Variants in DSG3 observed in about 807,000 individuals in gnomAD.
DSG3 encodes the protein desmoglein 3.
A neutral mutation model predicts 85.9 loss-of-function variants in DSG3; 63 were observed. The observed-to-expected ratio is 0.73, with a 90% CI of 0.60 to 0.90. The LOEUF (loss-of-function observed/expected upper bound fraction) is 0.90, where lower values mean the gene tolerates loss of function less well. Among genes scored for constraint, DSG3 ranks in the 40% least tolerant of loss-of-function variants. The pLI is 0.00. For synonymous variants in DSG3, 447 were observed against 441.9 expected (o/e 1.01, Z -0.14); for missense variants, 1,220 against 1,219.9 (o/e 1.00, Z 0.00).
At chr18:31,454,674 T>TTG (rs34575438) in intron 1 of DSG3, among the ~76,000 whole-genome samples, 1 of 120,258 alleles carries the variant, frequency 8.3e-6, no homozygotes, top group African/African-American at 4.5e-5. Flanking sequence ...CATTAGTTTG[T>TTG]TTTTTTTTTT....
At chr18:31,473,111 T>C (rs2072865885) in intron 14 of DSG3, among the ~76,000 whole-genome samples, 1 of 152,158 alleles carries the variant, frequency 6.6e-6, no homozygotes, top group South Asian at 2.1e-4. Flanking sequence ...TTCACACATA[T>C]AGAAAAATGT....
intron 1 of DSG3, among the ~76,000 whole-genome samples, chr18:31,452,389 C>A (rs185638347): frequency 6.6e-6 from 1 of 151,658 alleles, no homozygotes; most frequent in Non-Finnish European, 1.5e-5. Flanking sequence ...CTTGGTGGTG[C>A]GCACCTGTAG....
rs368643122 is a variant in DSG3, at chr18:31,472,351, T to C, written c.1965T>C (p.Phe655=). 1 of 1,614,214 alleles carries C rather than the reference T, an allele frequency of 6.2e-7. No homozygotes were observed. Among genetic ancestry groups the C allele is most frequent in the Non-Finnish European group, 8.5e-7 (1 of 1,180,026 alleles). ...AGSTGGVTGG[F]IPVPDGSEGT... ...CTACTGGGGGAGTGACAGGTGGTTT[T>C]ATCCCAGTTCCTGATGGCTCAGAAG... The change falls in exon 13 of 16, where the codon TTT becomes TTC. Residue 655 remains phenylalanine, a synonymous_variant. Coordinates refer to ENST00000257189, the MANE Select transcript of DSG3 (RefSeq NM_001944.3).
chr18:31,476,178 C>T lies in DSG3; in HGVS notation c.2918C>T (p.Pro973Leu), dbSNP rs769519536. 2.5e-6 allele frequency: 4 copies of T among 1,614,086 alleles called. No individual in the cohort carries two copies. The African/African-American group carries it at 4.0e-5, about 16-fold the overall frequency. Residue 973 changes from proline to leucine, a missense_variant, in exon 16 of 16, where the codon CCT (proline) becomes CTT (leucine). By Grantham distance (98) the Pro-to-Leu change is moderately conservative. Transcript: ENST00000257189. ...GTGATCTGTCCCATTTCCAGTGTTC[C>T]TGGCAACCTAGCTGGCCCAACGCAG... ...ERVICPISSV[P>L]GNLAGPTQLR...
Position 31,475,680 on chromosome 18 carries a change from AG to A in DSG3, c.2422del (p.Glu808LysfsTer7). 2 of 1,614,208 alleles carry A rather than the reference AG, an allele frequency of 1.2e-6. No homozygotes were observed. Among genetic ancestry groups the A allele is most frequent in the Non-Finnish European group, 1.7e-6 (2 of 1,180,040 alleles). On this transcript the variant is annotated frameshift_variant, in exon 16 of 16. Coordinates refer to ENST00000257189, the MANE Select transcript of DSG3 (RefSeq NM_001944.3). LOFTEE classifies it low-confidence loss of function (END_TRUNC). ...AFACAEEDDG[Q>X]EANDCLLIYD... is the part of the protein sequence containing the mutation. ...GCCTGTGCGGAGGAAGACGATGGCC[AG>A]GAAGCAAATGACTGCTTGTTGATCT... is the stretch of plus-strand genomic sequence containing the variant.
intron 1 of DSG3, among the ~76,000 whole-genome samples, chr18:31,450,414 A>G (rs1193547248): frequency 6.6e-6 from 1 of 152,198 alleles, no homozygotes. Flanking sequence ...TGAAAAGTGC[A>G]TTTTGTGAAG....
At chr18:31,473,780 GT>G (rs2072869556) in intron 14 of DSG3, among the ~76,000 whole-genome samples, 1 of 152,148 alleles carries the variant, frequency 6.6e-6, no homozygotes, top group Admixed American at 6.5e-5. Flanking sequence ...TAACTATAAT[GT>G]TTTTTCGTGA....
At chr18:31,451,701 A>G (rs1199875361) in intron 1 of DSG3, among the ~76,000 whole-genome samples, 3 of 152,190 alleles carry the variant, frequency 2.0e-5, no homozygotes, top group Admixed American at 2.0e-4. Flanking sequence ...ACCCTTGCCA[A>G]ATGGTTCTTC....
intron 12 of DSG3, 82 bp downstream of exon 12, chr18:31,469,431 A>C: frequency 6.5e-7 from 1 of 1,540,192 alleles, no homozygotes; most frequent in South Asian, 1.2e-5. Flanking sequence ...TCATCTGTGC[A>C]ATGGGGAAAG....
intron 5 of DSG3, 38 bp from the exon 6 acceptor site, chr18:31,459,807 T>C (rs941503135): frequency 6.5e-7 from 1 of 1,548,138 alleles, no homozygotes; most frequent in Admixed American, 1.9e-5. Context: ...ATGTTAATTG[T>C]TACATATTCT....
intron 12 of DSG3, among the ~76,000 whole-genome samples, chr18:31,470,032 C>A (rs968253082): frequency 6.6e-6 from 1 of 151,944 alleles, no homozygotes; most frequent in South Asian, 2.1e-4. Flanking sequence ...GCGTAAGTAT[C>A]CTTTTCCAAT....
chr18:31,470,155 A>C (rs1383721291), intron 12 of DSG3, among the ~76,000 whole-genome samples: 1 of 152,072 alleles, frequency 6.6e-6, no homozygotes, highest in Non-Finnish European at 1.5e-5. Flanking sequence ...GAACTTCCTG[A>C]CTAATTCTTG....
Position 31,477,716 on chromosome 18 carries a change from AT to A in DSG3, c.*1457del, listed in dbSNP as rs1277444508. 6.6e-6 allele frequency: 1 copy of A among 152,194 alleles called. No homozygotes were observed. Among genetic ancestry groups the A allele is most frequent in the African/African-American group, 2.4e-5 (1 of 41,450 alleles). The allele number at this position is 152,194 out of a possible 1,614,324, so 9.4% of individuals were successfully genotyped here. On this transcript the variant is annotated 3_prime_UTR_variant, in exon 16 of 16. Coordinates refer to ENST00000257189, the MANE Select transcript of DSG3 (RefSeq NM_001944.3). Reference sequence around the variant, plus strand: ...CTTCATGCATGCTACCATGATAGTAATGCAGCTCTTCGAGTCATTTCTGGTC... The same window carrying A: ...CTTCATGCATGCTACCATGATAGTAAGCAGCTCTTCGAGTCATTTCTGGTC...
intron 1 of DSG3, among the ~76,000 whole-genome samples, chr18:31,454,686 T>TTTTTC (rs1555665982): frequency 6.6e-6 from 1 of 151,592 alleles, no homozygotes; most frequent in Non-Finnish European, 1.5e-5. Flanking sequence ...TTTTTTTTTT[T>TTTTTC]TCTCTTTATG....
At chr18:31,464,424 T>G (rs1229680876) in intron 9 of DSG3, 42 bp downstream of exon 9, 1 of 1,557,254 alleles carries the variant, frequency 6.4e-7, no homozygotes, top group African/African-American at 1.4e-5. Flanking sequence ...TGATGAGGTT[T>G]TAATCTATAA....
At chr18:31,458,349 C>T (rs947949030) in intron 3 of DSG3, 96 bp from the exon 4 acceptor site, 251 of 1,283,696 alleles carry the variant, frequency 2.0e-4, no homozygotes, top group Non-Finnish European at 2.4e-4. Flanking sequence ...AAGAGTGAAT[C>T]GAATGAACAG....
chr18:31,466,387 C>A, intron 10 of DSG3, 143 bp from the exon 11 acceptor site: 1 of 689,356 alleles, frequency 1.5e-6, no homozygotes, highest in Non-Finnish European at 2.4e-6. Context: ...AATAGGATGA[C>A]TATTTTTACT....
chr18:31,451,816 A>G (rs974334888), intron 1 of DSG3, among the ~76,000 whole-genome samples: 3 of 152,194 alleles, frequency 2.0e-5, no homozygotes, highest in African/African-American at 7.2e-5. Flanking sequence ...TGGAACTAGA[A>G]CACTCAGTGC....
chr18:31,473,286 C>T (rs888721070), intron 14 of DSG3, among the ~76,000 whole-genome samples: 2 of 152,184 alleles, frequency 1.3e-5, no homozygotes, highest in Admixed American at 6.5e-5. Flanking sequence ...TTACTAATTC[C>T]TGCATTCAGT....
Sources: gnomAD v4.1 joint callset for allele counts (sites outside exome capture counted in the v4.1 genomes callset) on GRCh38, gnomAD v4.1.1 for gene constraint, MANE v1.5 for transcripts, NCBI Gene and HGNC (gene_info 2026-07-23, HGNC 2026-07-21) for gene names.